FBXO8: variants seen among roughly 807,000 people sequenced by gnomAD.
The protein encoded by FBXO8 is F-box only protein 8.
In FBXO8, 15 loss-of-function variants were observed where a neutral mutation model predicts 33.4. That is an observed-to-expected ratio of 0.45 (90% CI 0.30 to 0.69). The LOEUF (loss-of-function observed/expected upper bound fraction) is 0.69, where lower values mean the gene tolerates loss of function less well. FBXO8 is among the 30% of genes least tolerant of loss of function. The pLI is 0.08. For missense variants in FBXO8, 274 were observed against 380.3 expected (o/e 0.72, Z 2.32); for synonymous variants, 132 against 131.5 (o/e 1.00, Z -0.02).
Position 174,237,489 on chromosome 4 carries a change from C to A in FBXO8, c.883G>T (p.Ala295Ser). Residue 295 changes from alanine (A) to serine (S), a missense_variant, in exon 6 of 6, where the codon GCT becomes TCT. By Grantham distance (99) the Ala-to-Ser change is moderately conservative (BLOSUM62 1). Coordinates refer to ENST00000393674, the MANE Select transcript of FBXO8 (RefSeq NM_012180.3). The surrounding 1 kb of genome is among the most constrained non-coding windows in gnomAD (Gnocchi z 4.4). ...AAATCTTCACTAATATTTTGAGCAG[C>A]GCGACGGGTATTTCGAATAAATTCC... ...KREFIRNTRR[A>S]AQNISEDFVG... 6.2e-7 allele frequency: 1 copy of A among 1,613,754 alleles called. No homozygotes were observed. The highest frequency in any genetic ancestry group is 8.5e-7 in the Non-Finnish European group (1 of 1,179,748).
At position 174,254,980 on chromosome 4, in the gene FBXO8, G is replaced by A. The variant is rs191554454; in HGVS notation, c.456+4719C>T. Among the ~76,000 whole-genome samples, 2 of 152,132 alleles carry A rather than the reference G, an allele frequency of 1.3e-5. No individual in the cohort carries two copies. Among genetic ancestry groups the A allele is most frequent in the East Asian group, 1.9e-4 (1 of 5,178 alleles). Reference sequence around the variant, plus strand: ...TCCTCCTCCCAAAAAAGAACACCACGTCAAACAAAATTAGATATATATTGC... The same window carrying A: ...TCCTCCTCCCAAAAAAGAACACCACATCAAACAAAATTAGATATATATTGC... On this transcript the variant is annotated intron_variant, in intron 3 of 5. Transcript: ENST00000393674. This position sits in a 1 kb window ranked among gnomAD's most constrained non-coding sequence, Gnocchi z 4.2.
chr4:174,269,677 T>G (rs1324388785), intron 1 of FBXO8, among the ~76,000 whole-genome samples: 2 of 107,888 alleles, frequency 1.9e-5, no homozygotes, highest in Admixed American at 2.0e-4. Context: ...GAGACTCGTC[T>G]CAAAAAAAAA....
Position 174,252,120 on chromosome 4 carries a change from T to G in FBXO8, c.456+7579A>C, listed in dbSNP as rs564793713. On this transcript the variant is annotated intron_variant, in intron 3 of 5. Transcript: ENST00000393674. The surrounding 1 kb of genome is among the most constrained non-coding windows in gnomAD (Gnocchi z 5.1). ...AGTAGCTGCGACTCCAGACACATGCTATCATACCCGGTTAATTTCTGTATT... is the reference window on the plus strand; with the variant it reads ...AGTAGCTGCGACTCCAGACACATGCGATCATACCCGGTTAATTTCTGTATT... Among the ~76,000 whole-genome samples the G allele has an allele frequency of 3.6e-3, 546 of 152,158 alleles. No homozygotes were observed. The highest frequency in any genetic ancestry group is 5.6e-3 in the Non-Finnish European group (381 of 68,010).
chr4:174,243,540 AAAAGT>A (rs1736088912), intron 3 of FBXO8, among the ~76,000 whole-genome samples: 1 of 148,020 alleles, frequency 6.8e-6, no homozygotes, highest in Admixed American at 6.7e-5. Flanking sequence ...TTTTGCCATT[AAAAGT>A]AATGTCAAAA....
rs887435210 is a variant in FBXO8 at position 174,252,948 on chromosome 4, G to A, written c.456+6751C>T. Among the ~76,000 whole-genome samples, 1 of 152,052 alleles carries A rather than the reference G, an allele frequency of 6.6e-6. No homozygotes were observed. The highest frequency in any genetic ancestry group is 2.4e-5 in the African/African-American group (1 of 41,416). ...ACTGCACCACTGCACTCCAGCCTGG[G>A]CAACAGAGTGAGCCTCTGTCTCAAG... On this transcript the variant is annotated intron_variant, in intron 3 of 5. Transcript: ENST00000393674. The surrounding 1 kb of genome is among the most constrained non-coding windows in gnomAD (Gnocchi z 5.1).
At position 174,273,330 on chromosome 4, in the gene FBXO8, A is replaced by AG. The variant is rs1268059131; in HGVS notation, c.-9+10079_-9+10080insC. On this transcript the variant is annotated intron_variant, in intron 1 of 5. Coordinates refer to ENST00000393674, the MANE Select transcript of FBXO8 (RefSeq NM_012180.3). ...TGCCAATGTCATAAAAGTTAAAAAA[A>AG]AAAAAAAGAAAAGAAAAGAAAAAAG... Among the ~76,000 whole-genome samples the AG allele has an allele frequency of 1.8e-3, 196 of 109,746 alleles. 6 individuals carry two copies. Among genetic ancestry groups the AG allele is most frequent in the Admixed American group, 4.5e-3 (49 of 10,942 alleles). 72.0% of individuals were successfully genotyped at this position (109,746 alleles called of 152,430 possible).
At position 174,262,642 on chromosome 4, in the gene FBXO8, A is replaced by T; in HGVS notation, c.329+122T>A. On this transcript the variant is annotated intron_variant, in intron 2 of 5. Transcript: ENST00000393674. The surrounding 1 kb of genome is among the most constrained non-coding windows in gnomAD (Gnocchi z 4.6). ...TATATTTTTCCAGGTTTTAATAAAG[A>T]GCATCTCAAAGTACAAGCCCAAGTT... The T allele has an allele frequency of 1.3e-6, 1 of 766,624 alleles. No individual in the cohort carries two copies. Among genetic ancestry groups the T allele is most frequent in the East Asian group, 2.7e-5 (1 of 36,936 alleles). The allele number at this position is 766,624 out of a possible 1,614,324, so 47.5% of individuals were successfully genotyped here.
rs1461945672 is a variant in FBXO8, at chr4:174,248,350, A to G, written c.457-7132T>C. Among the ~76,000 whole-genome samples the G allele has an allele frequency of 2.0e-5, 3 of 152,072 alleles. No individual in the cohort carries two copies. In the East Asian group the frequency reaches 5.8e-4, roughly 29 times the overall value. On this transcript the variant is annotated intron_variant, in intron 3 of 5. Coordinates refer to ENST00000393674, the MANE Select transcript of FBXO8 (RefSeq NM_012180.3). ...ATGCCCAGATTTTAAAAGTTGTCCT[A>G]GATAAAAAGATTATAAGAGTACTAA...
Position 174,249,532 on chromosome 4 carries a change from GA to G in FBXO8, c.457-8315del, listed in dbSNP as rs202149718. Among the ~76,000 whole-genome samples, 1,283 of 151,898 alleles carry G rather than the reference GA, an allele frequency of 8.4e-3. 19 individuals are homozygous for G. Among genetic ancestry groups the G allele is most frequent in the African/African-American group, 0.029 (1,204 of 41,468 alleles). ...AATACTAGTTTTATCATATTACCTA[GA>G]TCTTAATATGTACATTTATAAATAT... On this transcript the variant is annotated intron_variant, in intron 3 of 5. Transcript: ENST00000393674.
At position 174,283,654 on chromosome 4, in the gene FBXO8, C is replaced by T. The variant is rs1737208169; in HGVS notation, c.-253G>A. On this transcript the variant is annotated 5_prime_UTR_variant, in exon 1 of 6. Transcript: ENST00000393674. The surrounding 1 kb of genome is among the most constrained non-coding windows in gnomAD (Gnocchi z 6.7). ...GAACTGCCGACTATCCCAATTTTGA[C>T]GTTTCCTATTGTTGCCGGAAGTGAC... The T allele has an allele frequency of 2.6e-6, 1 of 380,708 alleles. No individual in the cohort carries two copies. The highest frequency in any genetic ancestry group is 4.6e-6 in the Non-Finnish European group (1 of 215,346). The allele number at this position is 380,708 out of a possible 1,614,324, so 23.6% of individuals were successfully genotyped here.
At chr4:174,269,255 T>C (rs529533951) in intron 1 of FBXO8, 3 of 152,114 alleles carry the variant, frequency 2.0e-5, no homozygotes, top group Admixed American at 2.0e-4. Flanking sequence ...AGAGAGAAAT[T>C]ATGCTACAAA....
rs1193403104 is a variant in FBXO8 at position 174,267,547 on chromosome 4, T to TA, written c.-8-4448dup. Among the ~76,000 whole-genome samples, 3 of 151,728 alleles carry TA rather than the reference T, an allele frequency of 2.0e-5. No homozygotes were observed. Among genetic ancestry groups the TA allele is most frequent in the African/African-American group, 4.8e-5 (2 of 41,288 alleles). On this transcript the variant is annotated intron_variant, in intron 1 of 5. Transcript: ENST00000393674. The surrounding 1 kb of genome is among the most constrained non-coding windows in gnomAD (Gnocchi z 4.7). Reference sequence around the variant, plus strand: ...GAGTGACAGAGTGAGACCTTGCCTCTAAAAAAAATTAAAATTAAAAATTAA... The same window carrying TA: ...GAGTGACAGAGTGAGACCTTGCCTCTAAAAAAAAATTAAAATTAAAAATTAA...
intron 1 of FBXO8, among the ~76,000 whole-genome samples, chr4:174,279,554 T>C (rs1238160877): frequency 3.9e-5 from 6 of 151,952 alleles, no homozygotes; most frequent in Admixed American, 3.9e-4. Flanking sequence ...AAACCAAACT[T>C]GAAAAAGAAC....
intron 3 of FBXO8, among the ~76,000 whole-genome samples, chr4:174,242,926 A>C (rs1250665673): frequency 1.3e-5 from 2 of 151,648 alleles, no homozygotes; most frequent in Non-Finnish European, 3.0e-5. Flanking sequence ...AATGTCAATT[A>C]AGCATTATTT....
Position 174,283,552 on chromosome 4 carries a change from A to G in FBXO8, c.-151T>C, listed in dbSNP as rs1309281864. The G allele has an allele frequency of 9.2e-6, 2 of 217,560 alleles. No individual in the cohort carries two copies. Among genetic ancestry groups the G allele is most frequent in the African/African-American group, 4.5e-5 (2 of 43,978 alleles). The allele number at this position is 217,560 out of a possible 1,614,324, so 13.5% of individuals were successfully genotyped here. A position where few individuals can be genotyped will look rare whatever the true frequency, so the allele number is the denominator to read the frequency against. On this transcript the variant is annotated 5_prime_UTR_variant, in exon 1 of 6. Transcript: ENST00000393674. This position sits in a 1 kb window ranked among gnomAD's most constrained non-coding sequence, Gnocchi z 6.7. ...TCAAACTTTACTTGTCCACACCGGT[A>G]GAGGTGACCGCGATGAGAATACCAG...
chr4:174,254,962 C>T lies in FBXO8; in HGVS notation c.456+4737G>A, dbSNP rs1736384009. ...CCTGGAATGTTTTTACCTTCCTCCT[C>T]CCAAAAAAGAACACCACGTCAAACA... On this transcript the variant is annotated intron_variant, in intron 3 of 5. Coordinates refer to ENST00000393674, the MANE Select transcript of FBXO8 (RefSeq NM_012180.3). This position sits in a 1 kb window ranked among gnomAD's most constrained non-coding sequence, Gnocchi z 4.2. 1.3e-5 allele frequency among the ~76,000 whole-genome samples: 2 copies of T among 152,096 alleles called. No homozygotes were observed. The highest frequency in any genetic ancestry group is 2.9e-5 in the Non-Finnish European group (2 of 67,986).
chr4:174,251,397 TCCGAGTC>T lies in FBXO8; in HGVS notation c.456+8295_456+8301del, dbSNP rs930720408. 5.3e-5 allele frequency among the ~76,000 whole-genome samples: 8 copies of T among 152,258 alleles called. No individual in the cohort carries two copies. Among genetic ancestry groups the T allele is most frequent in the Admixed American group, 5.2e-4 (8 of 15,282 alleles). ...TCTTTCAAGTTTCTAAAAGGTTTAT[TCCGAGTC>T]CACAAACCTCCTCTGGGAACTGATT... On this transcript the variant is annotated intron_variant, in intron 3 of 5. Coordinates refer to ENST00000393674, the MANE Select transcript of FBXO8 (RefSeq NM_012180.3). The surrounding 1 kb of genome is among the most constrained non-coding windows in gnomAD (Gnocchi z 4.2).
At position 174,262,424 on chromosome 4, in the gene FBXO8, TG is replaced by T; in HGVS notation, c.329+339del. On this transcript the variant is annotated intron_variant, in intron 2 of 5. Transcript: ENST00000393674. This position sits in a 1 kb window ranked among gnomAD's most constrained non-coding sequence, Gnocchi z 4.6. The stretch of plus-strand genomic sequence containing the variant: ...TGGGAAGCACAAACTACACAGCATG[TG>T]AACACTCCAACTTTTAAATTAGAAA... Among the ~76,000 whole-genome samples, 1 of 152,292 alleles carries T rather than the reference TG, an allele frequency of 6.6e-6. No individual in the cohort carries two copies. The highest frequency in any genetic ancestry group is 1.9e-4 in the East Asian group (1 of 5,180).
chr4:174,273,139 T>C (rs370442962), intron 1 of FBXO8, among the ~76,000 whole-genome samples: 1 of 151,642 alleles, frequency 6.6e-6, no homozygotes, highest in Admixed American at 6.6e-5. Flanking sequence ...AATTAAAAAT[T>C]AGATGAGTGT....
Sources: allele counts gnomAD v4.1 joint callset (sites outside exome capture counted in the v4.1 genomes callset), GRCh38; gene constraint gnomAD v4.1.1; non-coding constraint Gnocchi (gnomAD v3.1); transcripts MANE v1.5; gene names NCBI Gene and HGNC (gene_info 2026-07-23, HGNC 2026-07-21).